Variants in KHDRBS2 observed in about 807,000 individuals in gnomAD.
The protein encoded by KHDRBS2 is KH RNA binding domain containing, signal transduction associated 2.
KHDRBS2 carries 26 observed loss-of-function variants against 44.3 expected under a neutral mutation model. The observed-to-expected ratio is 0.59, with a 90% CI of 0.43 to 0.81. KHDRBS2 has a LOEUF of 0.81. Among genes scored for constraint, KHDRBS2 ranks in the 40% least tolerant of loss-of-function variants. KHDRBS2 has a pLI of 0.00. For synonymous variants in KHDRBS2, 194 were observed against 151.1 expected, an observed-to-expected ratio of 1.28 and a Z score of -2.08; for missense variants, 476 against 433.1, an observed-to-expected ratio of 1.10 and a Z score of -0.88.
At chr6:61,848,248 C>T (rs1794698808) in intron 6 of KHDRBS2, among the ~76,000 whole-genome samples, 1 of 150,976 alleles carries the variant, frequency 6.6e-6, no homozygotes, top group Non-Finnish European at 1.5e-5. Context: ...GCCTGTAGCC[C>T]ACATTTTATG....
At chr6:62,131,383 C>A (rs539205988) in intron 2 of KHDRBS2, among the ~76,000 whole-genome samples, 18 of 152,254 alleles carry the variant, frequency 1.2e-4, no homozygotes, top group African/African-American at 4.3e-4. Context: ...TTAAAGAGAG[C>A]TTATTTACAG....
the KHDRBS2 span, among the ~76,000 whole-genome samples, chr6:61,568,016 T>C: frequency 1.3e-5 from 2 of 152,290 alleles, no homozygotes; most frequent in Admixed American, 6.5e-5. Flanking sequence ...AATTTTTGTA[T>C]ATATAGAGAG....
At chr6:61,556,985 G>A in the KHDRBS2 span, among the ~76,000 whole-genome samples, 1 of 139,058 alleles carries the variant, frequency 7.2e-6, no homozygotes, top group East Asian at 2.3e-4. Flanking sequence ...ATGCTGAGGT[G>A]TTAACAGTTT....
chr6:61,578,690 G>A, the KHDRBS2 span, among the ~76,000 whole-genome samples: 3 of 152,164 alleles, frequency 2.0e-5, no homozygotes, highest in African/African-American at 4.8e-5. Context: ...ATGTAATAAA[G>A]TTATCTTTTT....
chr6:61,827,671 T>C (rs1791114934), intron 6 of KHDRBS2, among the ~76,000 whole-genome samples: 1 of 152,130 alleles, frequency 6.6e-6, no homozygotes, highest in Non-Finnish European at 1.5e-5. Context: ...TGGAGGCTGG[T>C]AGTCCGAGAT....
intron 6 of KHDRBS2, among the ~76,000 whole-genome samples, chr6:61,765,135 A>C (rs1423765513): frequency 6.6e-6 from 1 of 152,154 alleles, no homozygotes; most frequent in Non-Finnish European, 1.5e-5. Flanking sequence ...GGTTCAACTT[A>C]AAGGGAATTT....
the KHDRBS2 span, among the ~76,000 whole-genome samples, chr6:61,577,990 AGTCTCTCT>A: frequency 3.7e-4 from 57 of 152,172 alleles, no homozygotes; most frequent in African/African-American, 1.2e-3. Flanking sequence ...TACTTTTAAA[AGTCTCTCT>A]TCATTAATAA....
At position 61,943,697 on chromosome 6, in the gene KHDRBS2, T is replaced by C. The variant is rs140846947; in HGVS notation, c.483+34369A>G. ...ATCTTCTGCACAGAAAAGGAAACAA[T>C]AAATAGTGAAGAGAAAACTTATTGA... is the stretch of plus-strand genomic sequence containing the variant. On this transcript the variant is annotated intron_variant, in intron 4 of 8. Transcript: ENST00000281156. 8.0e-3 allele frequency among the ~76,000 whole-genome samples: 1,212 copies of C among 152,070 alleles called. 14 individuals carry two copies. The highest frequency in any genetic ancestry group is 0.031 in the South Asian group (151 of 4,824).
intron 2 of KHDRBS2, among the ~76,000 whole-genome samples, chr6:62,099,083 G>T (rs962695641): frequency 6.6e-6 from 1 of 152,140 alleles, no homozygotes; most frequent in African/African-American, 2.4e-5. Context: ...TCCTTGAACA[G>T]CTATTTTAAA....
At chr6:61,878,006 A>G (rs535038298) in intron 6 of KHDRBS2, among the ~76,000 whole-genome samples, 1 of 152,122 alleles carries the variant, frequency 6.6e-6, no homozygotes, top group South Asian at 2.1e-4. Context: ...CCATTTTTAG[A>G]TTATCTAAAA....
the KHDRBS2 span, among the ~76,000 whole-genome samples, chr6:61,542,927 T>C: frequency 3.3e-5 from 5 of 151,982 alleles, no homozygotes; most frequent in Non-Finnish European, 5.9e-5. Context: ...CGTAAAAGTA[T>C]GCTATAGAGC....
At chr6:61,589,236 CAAAAT>C in the KHDRBS2 span, among the ~76,000 whole-genome samples, 2 of 152,048 alleles carry the variant, frequency 1.3e-5, no homozygotes, top group East Asian at 1.9e-4. Context: ...GAACTTAAAG[CAAAAT>C]AAAATAAAAT....
chr6:61,826,379 C>A (rs1790859154), intron 6 of KHDRBS2, among the ~76,000 whole-genome samples: 1 of 152,088 alleles, frequency 6.6e-6, no homozygotes, highest in South Asian at 2.1e-4. Flanking sequence ...CCCTCTGCCA[C>A]ATCTGCTCTC....
chr6:61,945,137 A>AAG, intron 4 of KHDRBS2, among the ~76,000 whole-genome samples: 1 of 104,596 alleles, frequency 9.6e-6, no homozygotes, highest in African/African-American at 3.6e-5. Flanking sequence ...ATATATATAT[A>AAG]TATATATATA....
intron 7 of KHDRBS2, among the ~76,000 whole-genome samples, chr6:61,709,632 C>A (rs979435193): frequency 6.6e-6 from 1 of 151,448 alleles, no homozygotes; most frequent in Non-Finnish European, 1.5e-5. Flanking sequence ...GAGCGGTGAG[C>A]AATTTTATAA....
intron 6 of KHDRBS2, among the ~76,000 whole-genome samples, chr6:61,775,747 C>G (rs1053991016): frequency 1.3e-5 from 2 of 152,162 alleles, no homozygotes; most frequent in Admixed American, 1.3e-4. Context: ...AATGCCATCC[C>G]CATCAAGCTA....
chr6:62,034,380 C>T (rs150388865), intron 3 of KHDRBS2, among the ~76,000 whole-genome samples: 84 of 151,852 alleles, frequency 5.5e-4, no homozygotes, highest in African/African-American at 2.0e-3. Context: ...AAGAAAACCA[C>T]AGGATAATAT....
chr6:61,654,561 T>C, the KHDRBS2 span, among the ~76,000 whole-genome samples: 5 of 151,588 alleles, frequency 3.3e-5, no homozygotes, highest in East Asian at 2.0e-4. Context: ...TAGGGTTCAG[T>C]TGAAGTAGTT....
intron 4 of KHDRBS2, among the ~76,000 whole-genome samples, chr6:61,968,162 A>C (rs983634016): frequency 6.6e-6 from 1 of 151,844 alleles, no homozygotes; most frequent in South Asian, 2.1e-4. Flanking sequence ...TTACCATGCC[A>C]GTCCCTCTTT....
Sources: allele counts gnomAD v4.1 joint callset (sites outside exome capture counted in the v4.1 genomes callset), GRCh38; gene constraint gnomAD v4.1.1; transcripts MANE v1.5; gene names NCBI Gene and HGNC (gene_info 2026-07-23, HGNC 2026-07-21).